Variants in DPH6 observed in about 807,000 individuals in gnomAD.
The protein encoded by DPH6 is diphthine--ammonia ligase.
Under a neutral mutation model 38.2 loss-of-function variants are expected in DPH6, and 33 were observed. The ratio of observed to expected loss-of-function variants is 0.86; its 90% CI spans 0.65 to 1.15. The LOEUF (loss-of-function observed/expected upper bound fraction) is 1.15. DPH6 is among the 50% of genes most tolerant of loss of function. DPH6 has a pLI of 0.00. For synonymous variants in DPH6, 108 were observed against 103.0 expected (o/e 1.05, Z -0.30); for missense variants, 325 against 320.0 (o/e 1.02, Z -0.12).
At chr15:35,435,308 T>C (rs2053683600) in intron 5 of DPH6, among the ~76,000 whole-genome samples, 1 of 139,774 alleles carries the variant, frequency 7.2e-6, no homozygotes, top group African/African-American at 3.1e-5. Flanking sequence ...AAACACACCA[T>C]AGCCTACACG....
At chr15:35,162,343 T>A in the DPH6 span, among the ~76,000 whole-genome samples, 1 of 151,932 alleles carries the variant, frequency 6.6e-6, no homozygotes, top group Non-Finnish European at 1.5e-5. Context: ...CTAAGAGGGA[T>A]CTCAAATGTT....
the DPH6 span, among the ~76,000 whole-genome samples, chr15:35,183,091 T>G: frequency 6.6e-6 from 1 of 152,230 alleles, no homozygotes. Flanking sequence ...ATATCACTCA[T>G]AGCCTTTAAT....
chr15:35,507,907 A>G (rs890996833), intron 3 of DPH6, among the ~76,000 whole-genome samples: 1 of 152,130 alleles, frequency 6.6e-6, no homozygotes, highest in African/African-American at 2.4e-5. Context: ...ATATACATAT[A>G]CATGTATATG....
the DPH6 span, among the ~76,000 whole-genome samples, chr15:35,197,497 T>C: frequency 6.6e-6 from 1 of 152,182 alleles, no homozygotes; most frequent in Non-Finnish European, 1.5e-5. Context: ...GCCAGGGATA[T>C]GAGTGCTATA....
intron 3 of DPH6, chr15:35,299,568 C>A (rs1019466426): frequency 8.8e-6 from 4 of 454,632 alleles, no homozygotes; most frequent in African/African-American, 2.1e-5. Flanking sequence ...GGGCGCTGGG[C>A]GGCGCGGGGT....
At chr15:35,167,796 C>T in the DPH6 span, among the ~76,000 whole-genome samples, 14 of 152,092 alleles carry the variant, frequency 9.2e-5, no homozygotes, top group African/African-American at 3.4e-4. Flanking sequence ...CTTTCTCTTC[C>T]TGATATCTTT....
chr15:35,488,714 C>T (rs1293764109), intron 3 of DPH6, among the ~76,000 whole-genome samples: 1 of 151,878 alleles, frequency 6.6e-6, no homozygotes, highest in Non-Finnish European at 1.5e-5. Context: ...AAAAAGAAAA[C>T]AGGAATTGTA....
At chr15:35,225,643 A>T (rs1409570361) in intron 3 of DPH6, among the ~76,000 whole-genome samples, 2 of 152,166 alleles carry the variant, frequency 1.3e-5, no homozygotes, top group Admixed American at 6.5e-5. Flanking sequence ...CCAGATACAG[A>T]ATCAGCCATT....
chr15:35,356,589 A>G (rs2052562452), intron 3 of DPH6, among the ~76,000 whole-genome samples: 1 of 152,232 alleles, frequency 6.6e-6, no homozygotes, highest in Admixed American at 6.5e-5. Flanking sequence ...TGGAGCCTGC[A>G]GAGCAGCGGA....
intron 5 of DPH6, among the ~76,000 whole-genome samples, chr15:35,440,391 A>G (rs1218341581): frequency 6.6e-6 from 1 of 152,128 alleles, no homozygotes; most frequent in African/African-American, 2.4e-5. Context: ...TCGTTTTGAC[A>G]TGTTTTCTAA....
At chr15:35,363,175 A>G (rs889884793) in intron 3 of DPH6, among the ~76,000 whole-genome samples, 1 of 151,944 alleles carries the variant, frequency 6.6e-6, no homozygotes, top group Non-Finnish European at 1.5e-5. Context: ...TGTTATTTTA[A>G]TTTTCTATAT....
intron 3 of DPH6, among the ~76,000 whole-genome samples, chr15:35,534,658 T>A (rs7181610): frequency 0.88 from 133,465 of 151,874 alleles, 58,743 homozygotes; most frequent in East Asian, 1. Context: ...CATTTAAAAA[T>A]AAAGATACAT....
the DPH6 span, among the ~76,000 whole-genome samples, chr15:35,175,730 A>C: frequency 2.6e-5 from 4 of 152,068 alleles, no homozygotes; most frequent in Non-Finnish European, 4.4e-5. Flanking sequence ...ATTAGCACTT[A>C]ACAGAAGCAT....
chr15:35,253,670 C>T (rs941895529), intron 3 of DPH6, among the ~76,000 whole-genome samples: 32 of 152,328 alleles, frequency 2.1e-4, no homozygotes, highest in African/African-American at 7.7e-4. Context: ...TAAGATTCAT[C>T]TGTCAATTTT....
At chr15:35,379,165 C>T (rs2052827748) in intron 7 of DPH6, among the ~76,000 whole-genome samples, 1 of 152,292 alleles carries the variant, frequency 6.6e-6, no homozygotes, top group East Asian at 1.9e-4. Context: ...GACCCTTCTG[C>T]CTCTTTCTTC....
chr15:35,383,985 A>G (rs1377688315), intron 6 of DPH6, among the ~76,000 whole-genome samples: 1 of 152,250 alleles, frequency 6.6e-6, no homozygotes, highest in Admixed American at 6.5e-5. Context: ...AGGTATGTGA[A>G]GCATCCAGAT....
At chr15:35,329,159 T>C (rs990701452), downstream of DPH6, among the ~76,000 whole-genome samples, 2 of 152,208 alleles carry the variant, frequency 1.3e-5, no homozygotes, top group Non-Finnish European at 2.9e-5. Context: ...TACAGACTCA[T>C]GGTGATTGAG....
intron 3 of DPH6, among the ~76,000 whole-genome samples, chr15:35,261,742 A>G (rs1368220410): frequency 6.6e-6 from 1 of 152,032 alleles, no homozygotes; most frequent in Non-Finnish European, 1.5e-5. Context: ...CGAAGGTGGA[A>G]GGATGGCTTG....
chr15:35,366,435 G>A (rs559158391), downstream of DPH6, among the ~76,000 whole-genome samples: 1 of 151,982 alleles, frequency 6.6e-6, no homozygotes, highest in Non-Finnish European at 1.5e-5. Flanking sequence ...TAACATTTAA[G>A]TGTTTATTTA....
Sources: allele counts gnomAD v4.1 joint callset (sites outside exome capture counted in the v4.1 genomes callset), GRCh38; gene constraint gnomAD v4.1.1; transcripts MANE v1.5; gene names NCBI Gene and HGNC (gene_info 2026-07-23, HGNC 2026-07-21).